Variants in RDH13 observed in about 807,000 individuals in gnomAD.
RDH13 encodes the protein retinol dehydrogenase 13 (all-trans and 9-cis).
In RDH13, 35 loss-of-function variants were observed where a neutral mutation model predicts 28.3. The observed-to-expected ratio is 1.24, with a 90% confidence interval of 0.95 to 1.64. The LOEUF is 1.64. Among genes scored for constraint, RDH13 ranks in the 40% most tolerant of loss-of-function variants. The pLI is 0.00. For missense variants in RDH13, 514 were observed against 446.3 expected (o/e 1.15, Z -1.37); for synonymous variants, 229 against 198.5 (o/e 1.15, Z -1.29).
At position 55,044,324 on chromosome 19, in the gene RDH13, C is replaced by T. The variant is rs563497160; in HGVS notation, c.*750G>A. 1 of 149,238 alleles carries T rather than the reference C, an allele frequency of 6.7e-6. No individual in the cohort carries two copies. The highest frequency in any genetic ancestry group is 1.9e-4 in the East Asian group (1 of 5,162). 9.2% of individuals were successfully genotyped at this position (149,238 alleles called of 1,614,324 possible). A position where few individuals can be genotyped will look rare whatever the true frequency, so the allele number is the denominator to read the frequency against. On this transcript the variant is annotated 3_prime_UTR_variant, in exon 7 of 7. Transcript: ENST00000415061. Reference sequence around the variant, plus strand: ...AAAATCTACGACTCGGGTACATTTTCTTCTTTTTTTTTTCTTTTAAATGAG... The same window carrying T: ...AAAATCTACGACTCGGGTACATTTTTTTCTTTTTTTTTTCTTTTAAATGAG...
At chr19:55,060,694 C>T (rs1016787879) in intron 1 of RDH13, among the ~76,000 whole-genome samples, 8 of 152,210 alleles carry the variant, frequency 5.3e-5, no homozygotes, top group South Asian at 4.2e-4. Context: ...CCTTCACAGG[C>T]GTGGTGGTGC....
chr19:55,047,308 G>A, intron 6 of RDH13, 79 bp downstream of exon 6: 1 of 1,550,950 alleles, frequency 6.4e-7, no homozygotes, highest in Non-Finnish European at 8.7e-7. Flanking sequence ...CGGTCTCTGA[G>A]GGAGGGTCCT....
At chr19:55,053,472 G>A (rs376375623) in intron 3 of RDH13, among the ~76,000 whole-genome samples, 20 of 151,654 alleles carry the variant, frequency 1.3e-4, no homozygotes, top group Non-Finnish European at 2.2e-4. Context: ...TGGCTAACAC[G>A]GTGAAACCCC....
chr19:55,059,107 G>A (rs1319616786), intron 2 of RDH13, 50 bp downstream of exon 2: 1 of 1,207,984 alleles, frequency 8.3e-7, no homozygotes, highest in Non-Finnish European at 1.2e-6. Context: ...GCTGCAGTGA[G>A]CATGGATGTA....
At chr19:55,062,104 C>A (rs2075825253) in intron 1 of RDH13, among the ~76,000 whole-genome samples, 2 of 141,510 alleles carry the variant, frequency 1.4e-5, no homozygotes, top group Non-Finnish European at 3.1e-5. Flanking sequence ...GCAACAACAG[C>A]GAAACTCTGT....
intron 3 of RDH13, among the ~76,000 whole-genome samples, chr19:55,052,953 C>G (rs890710079): frequency 6.6e-6 from 1 of 152,148 alleles, no homozygotes; most frequent in African/African-American, 2.4e-5. Flanking sequence ...TGAGCCTGCA[C>G]GCCTGCCTGA....
chr19:55,062,864 C>T (rs908250138), intron 1 of RDH13, 104 bp downstream of exon 1: 2 of 1,044,490 alleles, frequency 1.9e-6, no homozygotes, highest in Non-Finnish European at 2.6e-6. Context: ...TCGGGAGCTA[C>T]GGGGCCTGGA....
At chr19:55,052,555 A>G (rs1176608653) in intron 3 of RDH13, among the ~76,000 whole-genome samples, 4 of 151,638 alleles carry the variant, frequency 2.6e-5, no homozygotes, top group African/African-American at 4.8e-5. Flanking sequence ...AAAAAAAAAA[A>G]AAAAATCCCT....
At position 55,045,078 on chromosome 19, in the gene RDH13, C is replaced by G. The variant is rs372836920; in HGVS notation, c.992G>C (p.Arg331Thr). The change falls in exon 7 of 7, where the codon AGA becomes ACA. Residue 331 changes from arginine to threonine, a missense_variant. Transcript: ENST00000415061. ...APSVREQPLP[R>T] ...CTTTCAAATCTGCTCCAGAGGTTAT[C>G]TGGGGAGGGGCTGCTCCCTCACAGA... is the stretch of plus-strand genomic sequence containing the variant. 2.5e-6 allele frequency: 4 copies of G among 1,596,334 alleles called. No homozygotes were observed. In the African/African-American group the frequency reaches 4.1e-5, roughly 16 times the overall value.
At chr19:55,047,865 G>C (rs1048141522) in intron 5 of RDH13, 1 of 487,146 alleles carries the variant, frequency 2.1e-6, no homozygotes, top group Non-Finnish European at 3.7e-6. Flanking sequence ...CTCAATCTCA[G>C]CACTGTGGAT....
intron 5 of RDH13, among the ~76,000 whole-genome samples, 178 bp from the exon 6 acceptor site, chr19:55,047,666 C>A (rs116964083): frequency 0.072 from 11,016 of 152,190 alleles, 510 homozygotes; most frequent in Non-Finnish European, 0.1. Flanking sequence ...AGCGGCTCTG[C>A]CACATGGCTG....
downstream of RDH13, among the ~76,000 whole-genome samples, chr19:55,043,884 C>T (rs939720071): frequency 6.6e-6 from 1 of 151,592 alleles, no homozygotes; most frequent in Non-Finnish European, 1.5e-5. Flanking sequence ...TCCTGTGAAA[C>T]AGGTGAAAGG....
chr19:55,045,627 G>C (rs1035606126), intron 6 of RDH13, among the ~76,000 whole-genome samples: 2 of 152,090 alleles, frequency 1.3e-5, no homozygotes, highest in Non-Finnish European at 2.9e-5. Context: ...CTTATTAAAT[G>C]CACCTGGCAC....
At chr19:55,045,346 C>T (rs1404938673) in intron 6 of RDH13, 37 bp from the exon 7 acceptor site, 15 of 1,533,544 alleles carry the variant, frequency 9.8e-6, no homozygotes, top group Non-Finnish European at 1.2e-5. Flanking sequence ...TCCACACTCG[C>T]TCAGAGAGAA....
intron 1 of RDH13, among the ~76,000 whole-genome samples, 186 bp from the exon 2 acceptor site, chr19:55,059,461 C>T (rs972766313): frequency 5.3e-5 from 8 of 152,150 alleles, no homozygotes; most frequent in Non-Finnish European, 7.3e-5. Context: ...CAGTGTCTGG[C>T]GTGTGGAACG....
chr19:55,047,606 C>T (rs1195058623), intron 5 of RDH13, 118 bp from the exon 6 acceptor site: 3 of 1,439,864 alleles, frequency 2.1e-6, no homozygotes, highest in African/African-American at 1.4e-5. Flanking sequence ...CACTCAAACC[C>T]CATCGTCCCT....
At chr19:55,063,525 G>T, upstream of RDH13, 1 of 156,354 alleles carries the variant, frequency 6.4e-6, no homozygotes, top group Non-Finnish European at 1.4e-5. Flanking sequence ...TCCATGCACA[G>T]AAACAAGGAT....
upstream of RDH13, chr19:55,063,172 G>A: frequency 1.4e-6 from 1 of 734,086 alleles, no homozygotes. Context: ...CCCGCGTCCG[G>A]AACTGGGCTG....
intron 3 of RDH13, among the ~76,000 whole-genome samples, chr19:55,049,262 C>G (rs573229258): frequency 6.6e-6 from 1 of 152,158 alleles, no homozygotes; most frequent in African/African-American, 2.4e-5. Context: ...GGACTCCTTC[C>G]TGCCGGAGCC....
Sources: gnomAD v4.1 joint callset for allele counts (sites outside exome capture counted in the v4.1 genomes callset) on GRCh38, gnomAD v4.1.1 for gene constraint, MANE v1.5 for transcripts, NCBI Gene and HGNC (gene_info 2026-07-23, HGNC 2026-07-21) for gene names.